The following C1orf146 variants were observed in gnomAD, a reference collection of about 807,000 sequenced individuals.
C1orf146 encodes the protein chromosome 1 open reading frame 146, also known as protein SPO16 homolog.
In C1orf146, 22 loss-of-function variants were observed where a neutral mutation model predicts 23.0. The observed-to-expected ratio is 0.96, with a 90% confidence interval of 0.68 to 1.36. C1orf146 has a LOEUF of 1.36. Ranked by LOEUF, C1orf146 falls within the 40% of genes most tolerant of loss-of-function variation. The pLI is 0.00. For missense variants in C1orf146, 199 were observed against 206.8 expected (o/e 0.96, Z 0.23); for synonymous variants, 59 against 65.3 (o/e 0.90, Z 0.47).
chr1:92,221,186 C>T (rs574551922), intron 1 of C1orf146, among the ~76,000 whole-genome samples: 4 of 152,146 alleles, frequency 2.6e-5, no homozygotes, highest in Admixed American at 2.0e-4. Flanking sequence ...TACAGCAACA[C>T]GGATGCAGCT....
In C1orf146 at chr1:92,234,625, T is replaced by C. The variant is rs536056751; in HGVS notation, c.66+3139T>C. Reference sequence around the variant, plus strand: ...TGGTATCAGGATGATGCTGGCCTCATAAAATGAGTTAGGGAGGATTCCCTC... The same window carrying C: ...TGGTATCAGGATGATGCTGGCCTCACAAAATGAGTTAGGGAGGATTCCCTC... On this transcript the variant is annotated intron_variant, in intron 2 of 5. Transcript: ENST00000370375. 2.0e-5 allele frequency among the ~76,000 whole-genome samples: 3 copies of C among 152,374 alleles called. No homozygotes were observed. The East Asian group carries it at 5.8e-4, about 29-fold the overall frequency.
At position 92,244,249 on chromosome 1, in the gene C1orf146, T is replaced by C; in HGVS notation, c.193T>C (p.Cys65Arg). ...ATTTTTATTAATGGATACTAAGGAA[T>C]GTCTTCTGTCAACTGAAGAAATATT... Reference protein sequence around the residue: ...VAFLLMDTKECLLSTEEIFLA... With the variant: ...VAFLLMDTKERLLSTEEIFLA... Residue 65 changes from cysteine to arginine, a missense_variant, in exon 4 of 6, where the codon TGT becomes CGT. By Grantham distance (180) the Cys-to-Arg change is radical (BLOSUM62 -3). Transcript: ENST00000370375. 1.2e-6 allele frequency: 2 copies of C among 1,601,954 alleles called. No homozygotes were observed. Among genetic ancestry groups the C allele is most frequent in the East Asian group, 2.2e-5 (1 of 44,748 alleles).
intron 2 of C1orf146, among the ~76,000 whole-genome samples, chr1:92,236,530 C>T (rs1171402328): frequency 1.3e-5 from 2 of 152,176 alleles, no homozygotes; most frequent in Admixed American, 1.3e-4. Context: ...TTCTCTCTGG[C>T]TGCCCTTAAC....
chr1:92,222,591 C>CTT (rs1173817517), intron 1 of C1orf146, among the ~76,000 whole-genome samples: 5 of 12,482 alleles, frequency 4.0e-4, no homozygotes, highest in East Asian at 2.6e-3. Context: ...TTTCTTTTTT[C>CTT]TTTTTTTTTT....
intron 1 of C1orf146, chr1:92,228,937 A>G (rs1014479151): frequency 2.4e-6 from 1 of 419,876 alleles, no homozygotes; most frequent in Non-Finnish European, 4.6e-6. Context: ...CATGAGATGT[A>G]TGCATTTGCC....
chr1:92,222,445 T>TA lies in C1orf146; in HGVS notation c.-40+4398dup, dbSNP rs1483103152. Among the ~76,000 whole-genome samples the TA allele has an allele frequency of 7.9e-5, 12 of 151,896 alleles. No homozygotes were observed. In the East Asian group the frequency reaches 2.3e-3, roughly 29 times the overall value. On this transcript the variant is annotated intron_variant, in intron 1 of 5. Transcript: ENST00000370375. ...CACATTTATACACCTGTGAAACAAT[T>TA]ACTACAATCAATATAGTGAATATAC...
chr1:92,239,945 T>A lies in C1orf146; in HGVS notation c.67-2267T>A, dbSNP rs538001479. On this transcript the variant is annotated intron_variant, in intron 2 of 5. Transcript: ENST00000370375. ...CTCTTTTATATGATGAATTAAGTTG[T>A]ATCCTATACATCTAGAGTGTTGAAC... Among the ~76,000 whole-genome samples the A allele has an allele frequency of 2.0e-5, 3 of 152,316 alleles. No homozygotes were observed. In the East Asian group the frequency reaches 5.8e-4, roughly 29 times the overall value.
At chr1:92,234,413 T>G (rs1652219810) in intron 2 of C1orf146, among the ~76,000 whole-genome samples, 1 of 152,246 alleles carries the variant, frequency 6.6e-6, no homozygotes, top group Non-Finnish European at 1.5e-5. Flanking sequence ...TGGATTACAT[T>G]TATTGATTTG....
intron 2 of C1orf146, among the ~76,000 whole-genome samples, chr1:92,238,090 G>A (rs1055709454): frequency 2.6e-5 from 4 of 151,832 alleles, no homozygotes; most frequent in Admixed American, 6.6e-5. Flanking sequence ...CCACCACGCC[G>A]GCTAATTTTT....
At chr1:92,221,366 A>G (rs1423809675) in intron 1 of C1orf146, among the ~76,000 whole-genome samples, 1 of 152,110 alleles carries the variant, frequency 6.6e-6, no homozygotes, top group Non-Finnish European at 1.5e-5. Context: ...GGGCTGAAAA[A>G]CTACCTTTTG....
At chr1:92,237,784 TAA>T (rs1652333301) in intron 2 of C1orf146, among the ~76,000 whole-genome samples, 1 of 152,254 alleles carries the variant, frequency 6.6e-6, no homozygotes, top group Non-Finnish European at 1.5e-5. Flanking sequence ...TTAAATGTGT[TAA>T]GTTGAACTTT....
intron 1 of C1orf146, among the ~76,000 whole-genome samples, chr1:92,226,410 CACACAT>C (rs777574060): frequency 4.3e-4 from 64 of 147,396 alleles, no homozygotes; most frequent in Non-Finnish European, 7.2e-4. Flanking sequence ...CACACACACA[CACACAT>C]ACACACACAC....
chr1:92,224,405 A>T (rs1353579677), intron 1 of C1orf146, among the ~76,000 whole-genome samples: 1 of 152,082 alleles, frequency 6.6e-6, no homozygotes. Flanking sequence ...TCTTTTATGG[A>T]TTGTGTTTCT....
intron 1 of C1orf146, among the ~76,000 whole-genome samples, chr1:92,230,245 C>T (rs193228088): frequency 6.6e-6 from 1 of 151,668 alleles, no homozygotes. Flanking sequence ...GGGAGGGTCG[C>T]TTGAAGCCAG....
intron 1 of C1orf146, chr1:92,229,472 C>A (rs909544116): frequency 6.2e-6 from 3 of 481,366 alleles, no homozygotes; most frequent in South Asian, 5.0e-5. Context: ...TTTGTACCAT[C>A]TTCTTTCTGT....
At chr1:92,221,546 G>A (rs931400384) in intron 1 of C1orf146, among the ~76,000 whole-genome samples, 1 of 152,014 alleles carries the variant, frequency 6.6e-6, no homozygotes, top group Non-Finnish European at 1.5e-5. Context: ...GAGCAAAGGT[G>A]GTATTTTTCT....
At chr1:92,238,873 C>T (rs1652361056) in intron 2 of C1orf146, among the ~76,000 whole-genome samples, 1 of 152,160 alleles carries the variant, frequency 6.6e-6, no homozygotes, top group African/African-American at 2.4e-5. Context: ...CTTCACTTGT[C>T]TGCTTAATAC....
At position 92,236,563 on chromosome 1, in the gene C1orf146, T is replaced by C. The variant is rs535515561; in HGVS notation, c.66+5077T>C. 2.5e-3 allele frequency among the ~76,000 whole-genome samples: 386 copies of C among 152,306 alleles called. 3 individuals carry two copies. The highest frequency in any genetic ancestry group is 9.3e-3 in the South Asian group (45 of 4,828). On this transcript the variant is annotated intron_variant, in intron 2 of 5. Transcript: ENST00000370375. ...AACATTTTTTCCTTTATTTCAACTT[T>C]GGTGAATCTGACAATTATGTGTCTT...
chr1:92,229,247 C>T, intron 1 of C1orf146: 1 of 556,350 alleles, frequency 1.8e-6, no homozygotes, highest in Middle Eastern at 3.2e-4. Context: ...CGCTGGACAG[C>T]ACTGTGTTGG....
Sources: allele counts gnomAD v4.1 joint callset (sites outside exome capture counted in the v4.1 genomes callset), GRCh38; gene constraint gnomAD v4.1.1; transcripts MANE v1.5; gene names NCBI Gene and HGNC (gene_info 2026-07-23, HGNC 2026-07-21).